The following FRAS1 variants were observed in gnomAD, a reference collection of about 807,000 sequenced individuals.
FRAS1 encodes the protein extracellular matrix organizing protein FRAS1.
Under a neutral mutation model 435.2 loss-of-function variants are expected in FRAS1, and 290 were observed. That is an observed-to-expected ratio of 0.67 (90% CI 0.61 to 0.73). The LOEUF is 0.73. FRAS1 is among the 30% of genes least tolerant of loss of function. The pLI is 0.00. For missense variants in FRAS1, 4,860 were observed against 5,001.5 expected (o/e 0.97, Z 0.85); for synonymous variants, 1,800 against 1,851.0 (o/e 0.97, Z 0.71).
At chr4:78,532,201 C>T (rs1334484945) in intron 70 of FRAS1, among the ~76,000 whole-genome samples, 1 of 152,142 alleles carries the variant, frequency 6.6e-6, no homozygotes, top group Non-Finnish European at 1.5e-5. Context: ...TCTCCAGCCA[C>T]CCTGGCTGAC....
chr4:78,284,332 CT>C (rs1727476194), intron 12 of FRAS1, 72 bp from the exon 13 acceptor site: 1 of 1,306,148 alleles, frequency 7.7e-7, no homozygotes. Flanking sequence ...TTTGTAGATT[CT>C]TTTCTGAAGG....
chr4:78,431,329 T>C (rs1272375458), intron 37 of FRAS1, among the ~76,000 whole-genome samples: 1 of 152,204 alleles, frequency 6.6e-6, no homozygotes, highest in African/African-American at 2.4e-5. Context: ...AACATAACAG[T>C]CATTGTCTAA....
chr4:78,464,146 G>C lies in FRAS1; in HGVS notation c.6888+1G>C. Reference sequence around the variant, plus strand: ...TACACTGTCTGATGGAGTCAGTGAGGTAGGTGAGGCACTGAACTCCATCCT... The same window carrying C: ...TACACTGTCTGATGGAGTCAGTGAGCTAGGTGAGGCACTGAACTCCATCCT... On this transcript the variant is annotated splice_donor_variant, in intron 48 of 73. Transcript: ENST00000512123. LOFTEE classifies it high-confidence loss of function. The C allele has an allele frequency of 6.2e-7, 1 of 1,607,502 alleles. No homozygotes were observed. Among genetic ancestry groups the C allele is most frequent in the Non-Finnish European group, 8.5e-7 (1 of 1,177,736 alleles).
chr4:78,504,047 G>A (rs1347209524), intron 61 of FRAS1, among the ~76,000 whole-genome samples: 4 of 152,140 alleles, frequency 2.6e-5, no homozygotes, highest in East Asian at 1.9e-4. Flanking sequence ...AGTTAATCCC[G>A]AGTGTTAATT....
intron 70 of FRAS1, among the ~76,000 whole-genome samples, chr4:78,529,785 GC>G (rs1448303883): frequency 6.6e-6 from 1 of 152,186 alleles, no homozygotes; most frequent in East Asian, 1.9e-4. Context: ...CCTGTTCCAG[GC>G]AGGATGGAGC....
Position 78,371,923 on chromosome 4 carries a change from G to T in FRAS1, c.2870-795G>T, listed in dbSNP as rs114853883. On this transcript the variant is annotated intron_variant, in intron 23 of 73. Transcript: ENST00000512123. ...GAGACTCTGATTTGATAAATCTGAT[G>T]CTGAGCCTAATCCATATTTTTTAAC... 1.9e-3 allele frequency among the ~76,000 whole-genome samples: 296 copies of T among 152,326 alleles called. 3 individuals carry two copies. The highest frequency in any genetic ancestry group is 6.3e-3 in the African/African-American group (264 of 41,584).
chr4:78,254,994 GC>G (rs1725723520), intron 5 of FRAS1, among the ~76,000 whole-genome samples: 2 of 152,136 alleles, frequency 1.3e-5, no homozygotes, highest in Non-Finnish European at 2.9e-5. Context: ...GGAGCTGGTA[GC>G]TGAGAACTCA....
intron 70 of FRAS1, among the ~76,000 whole-genome samples, chr4:78,529,504 C>A (rs185378672): frequency 6.6e-6 from 1 of 152,168 alleles, no homozygotes; most frequent in African/African-American, 2.4e-5. Flanking sequence ...CACCACTAAC[C>A]TGATATTTGT....
chr4:78,181,194 C>G, intron 2 of FRAS1: 1 of 1,608,152 alleles, frequency 6.2e-7, no homozygotes. Flanking sequence ...TTTGCCCGGT[C>G]CTTATTTTGA....
chr4:78,080,645 T>G (rs1740852643), intron 2 of FRAS1, among the ~76,000 whole-genome samples: 1 of 152,184 alleles, frequency 6.6e-6, no homozygotes, highest in Non-Finnish European at 1.5e-5. Context: ...TTACATAGTT[T>G]AAACTGCATA....
chr4:78,203,549 CTATTTTATTTTATTTTTT>C (rs907929858), intron 2 of FRAS1, among the ~76,000 whole-genome samples: 6 of 151,894 alleles, frequency 4.0e-5, no homozygotes, highest in Middle Eastern at 3.4e-3. Context: ...CTCTCTCTCT[CTATTTTATTTTATTTTTT>C]TATTTTATTT....
chr4:78,244,266 G>A (rs982984446), intron 3 of FRAS1, among the ~76,000 whole-genome samples: 26 of 150,462 alleles, frequency 1.7e-4, no homozygotes, highest in Admixed American at 3.3e-4. Context: ...TAACACACAC[G>A]CACACACACA....
At chr4:78,102,415 A>T (rs1315192224) in intron 2 of FRAS1, among the ~76,000 whole-genome samples, 4 of 152,194 alleles carry the variant, frequency 2.6e-5, no homozygotes, top group Non-Finnish European at 4.4e-5. Flanking sequence ...TTCATATTAA[A>T]TGAATGAACT....
intron 2 of FRAS1, among the ~76,000 whole-genome samples, chr4:78,143,494 T>C (rs540321571): frequency 3.3e-5 from 5 of 152,200 alleles, no homozygotes; most frequent in Admixed American, 6.5e-5. Context: ...GTATAGTTCA[T>C]AAAATAGTGC....
chr4:78,333,557 A>G (rs1730030966), intron 19 of FRAS1, 145 bp downstream of exon 19: 3 of 803,508 alleles, frequency 3.7e-6, no homozygotes, highest in South Asian at 3.8e-5. Context: ...GATTCAAAGT[A>G]TAGAGGGAGG....
Position 78,498,394 on chromosome 4 carries a change from T to C in FRAS1, c.9116-1327T>C, listed in dbSNP as rs189546398. Among the ~76,000 whole-genome samples the C allele has an allele frequency of 6.6e-4, 100 of 151,914 alleles. 1 individual carries two copies. Among genetic ancestry groups the C allele is most frequent in the African/African-American group, 2.3e-3 (96 of 41,394 alleles). On this transcript the variant is annotated intron_variant, in intron 60 of 73. Coordinates refer to ENST00000512123, the MANE Select transcript of FRAS1 (RefSeq NM_025074.7). The stretch of plus-strand genomic sequence containing the variant: ...GGTGGCATGCGCCTGTAATCCCAGC[T>C]ACTCAGGAGGCTGAGGTAGGAGAAT...
Position 78,448,219 on chromosome 4 carries a change from C to T in FRAS1, c.6177C>T (p.Gly2059=), listed in dbSNP as rs1295560288. 4 of 1,612,730 alleles carry T rather than the reference C, an allele frequency of 2.5e-6. No homozygotes were observed. The highest frequency in any genetic ancestry group is 3.4e-6 in the Non-Finnish European group (4 of 1,179,516). ...AGTTCCAGTTCTCCCTCACTGATGG[C>T]CTCCACGTGGACACAGGGAGGATGA... is the stretch of plus-strand genomic sequence containing the variant. ...VDEFQFSLTD[G]LHVDTGRMKI... Residue 2059 remains glycine, a synonymous_variant, in exon 44 of 74, where the codon GGC becomes GGT. Transcript: ENST00000512123.
chr4:78,357,906 A>T (rs114241022), intron 20 of FRAS1, among the ~76,000 whole-genome samples: 2,008 of 152,250 alleles, frequency 0.013, 17 homozygotes, highest in Non-Finnish European at 0.02. Flanking sequence ...GTCTTACCAA[A>T]CAAAAAAGAC....
rs1490590327 is a variant in FRAS1, at chr4:78,375,854, C to A, written c.3267C>A (p.Val1089=). The change falls in exon 26 of 74, where the codon GTC becomes GTA. Residue 1089 remains valine (V), a synonymous_variant. Transcript: ENST00000512123. ...ACAACTGTGTTCCTGGCTTTTCTGT[C>A]CACACCTCTAATGAAACATGTTCTG... is the stretch of plus-strand genomic sequence containing the variant. The part of the protein sequence containing the change: ...CVYNCVPGFS[V]HTSNETCSGK... The A allele has an allele frequency of 6.2e-7, 1 of 1,613,656 alleles. No individual in the cohort carries two copies. The highest frequency in any genetic ancestry group is 8.5e-7 in the Non-Finnish European group (1 of 1,179,822).
Sources: gnomAD v4.1 joint callset for allele counts (sites outside exome capture counted in the v4.1 genomes callset) on GRCh38, gnomAD v4.1.1 for gene constraint, MANE v1.5 for transcripts, NCBI Gene and HGNC (gene_info 2026-07-23, HGNC 2026-07-21) for gene names.